Variants in ANK2 observed in about 807,000 individuals in gnomAD.
ANK2 encodes the protein ankyrin 2.
ANK2 carries 83 observed loss-of-function variants against 360.5 expected under a neutral mutation model. That is an observed-to-expected ratio of 0.23 (90% CI 0.19 to 0.28). ANK2 has a LOEUF of 0.28. ANK2 is among the 10% of genes least tolerant of loss of function. The pLI is 1.00. For synonymous variants in ANK2, 1,740 were observed against 1,759.5 expected, an observed-to-expected ratio of 0.99 and a Z score of 0.28; for missense variants, 4,201 against 4,795.7, an observed-to-expected ratio of 0.88 and a Z score of 3.66.
chr4:113,163,716 A>C (rs2097638609), intron 1 of ANK2, among the ~76,000 whole-genome samples: 1 of 132,626 alleles, frequency 7.5e-6, no homozygotes, highest in Non-Finnish European at 1.6e-5. Context: ...GGGAGCTGAG[A>C]TTGTGCTATT....
At chr4:112,846,435 A>C (rs1260702293) in intron 1 of ANK2, among the ~76,000 whole-genome samples, 1 of 152,184 alleles carries the variant, frequency 6.6e-6, no homozygotes, top group Non-Finnish European at 1.5e-5. Context: ...TTAATAGGCC[A>C]TTCGTCCACC....
At chr4:113,079,724 G>A (rs1271202739) in intron 1 of ANK2, among the ~76,000 whole-genome samples, 3 of 55,822 alleles carry the variant, frequency 5.4e-5, no homozygotes, top group African/African-American at 2.1e-4. Flanking sequence ...TCTTGTTGGA[G>A]GAAATTAAAC....
chr4:112,775,861 G>T, the ANK2 span, among the ~76,000 whole-genome samples: 2 of 152,184 alleles, frequency 1.3e-5, no homozygotes, highest in African/African-American at 4.8e-5. Context: ...CTGCATGAAG[G>T]CTGTGGTTTT....
the ANK2 span, among the ~76,000 whole-genome samples, chr4:112,783,346 C>T: frequency 6.6e-6 from 1 of 152,160 alleles, no homozygotes; most frequent in Non-Finnish European, 1.5e-5. Flanking sequence ...TGGGCTGGAA[C>T]ATGAGATTGG....
At chr4:113,162,312 A>G (rs1052536639) in intron 1 of ANK2, among the ~76,000 whole-genome samples, 1 of 152,108 alleles carries the variant, frequency 6.6e-6, no homozygotes, top group Non-Finnish European at 1.5e-5. Context: ...TAAAATGGAC[A>G]TTCTGATCTT....
chr4:112,942,453 T>G (rs754632837), intron 2 of ANK2, among the ~76,000 whole-genome samples: 1 of 152,100 alleles, frequency 6.6e-6, no homozygotes, highest in African/African-American at 2.4e-5. Context: ...TTAAATGATA[T>G]TATGCCCATT....
upstream of ANK2, among the ~76,000 whole-genome samples, chr4:112,814,433 G>A (rs889154815): frequency 1.2e-5 from 1 of 80,356 alleles, no homozygotes; most frequent in African/African-American, 3.4e-5. Context: ...GCGTTTTTTT[G>A]TTTTTTTGTT....
chr4:112,949,836 A>G (rs2094812960), intron 2 of ANK2, among the ~76,000 whole-genome samples: 1 of 152,222 alleles, frequency 6.6e-6, no homozygotes, highest in Non-Finnish European at 1.5e-5. Flanking sequence ...TGGCATGCAC[A>G]CAACACAAAA....
At chr4:112,833,230 T>A (rs2060193431) in intron 1 of ANK2, among the ~76,000 whole-genome samples, 1 of 152,140 alleles carries the variant, frequency 6.6e-6, no homozygotes. Context: ...CATGAGGTAG[T>A]GGGTAAGGGG....
chr4:112,723,419 A>G, the ANK2 span, among the ~76,000 whole-genome samples: 30 of 152,172 alleles, frequency 2.0e-4, no homozygotes, highest in Non-Finnish European at 4.3e-4. Flanking sequence ...GCTGGAGTGC[A>G]GTGGCGCGAT....
chr4:112,818,028 C>G (rs1391580807), upstream of ANK2: 2 of 152,362 alleles, frequency 1.3e-5, no homozygotes, highest in African/African-American at 2.4e-5. Context: ...TGGGCTGTCA[C>G]GTCTGGCTGA....
intron 2 of ANK2, among the ~76,000 whole-genome samples, chr4:112,923,331 T>G (rs986521802): frequency 6.6e-6 from 1 of 152,186 alleles, no homozygotes; most frequent in Non-Finnish European, 1.5e-5. Flanking sequence ...TTTGCCCTAG[T>G]AGAGTGCTGT....
chr4:113,160,934 G>A (rs1292622548), intron 1 of ANK2, among the ~76,000 whole-genome samples: 1 of 152,144 alleles, frequency 6.6e-6, no homozygotes, highest in Non-Finnish European at 1.5e-5. Flanking sequence ...CTTGCCTCTG[G>A]GAAATAGACT....
intron 1 of ANK2, among the ~76,000 whole-genome samples, chr4:113,062,926 A>G (rs1366820909): frequency 6.6e-6 from 1 of 152,106 alleles, no homozygotes; most frequent in African/African-American, 2.4e-5. Flanking sequence ...TGGGCCTATC[A>G]TGATGACAAG....
In ANK2 at chr4:113,152,071, AAAAAAAAG is replaced by A. The variant is rs1452324621; in HGVS notation, c.85-22337_85-22330del. 2.6e-4 allele frequency among the ~76,000 whole-genome samples: 12 copies of A among 45,736 alleles called. 1 individual carries two copies. The allele number at this position is 45,736 out of a possible 152,430, so 30.0% of individuals were successfully genotyped here. A position where few individuals can be genotyped will look rare whatever the true frequency, so the allele number is the denominator to read the frequency against. ...ACAGAGCAAGTCTCTGTCTCAAAAAAAAAAAAAGAAAAAAAAAAAAAAAGAAAAAAGAA... is the reference window on the plus strand; with the variant it reads ...ACAGAGCAAGTCTCTGTCTCAAAAAAAAAAAAAAAAAAAAAGAAAAAAGAA... On this transcript the variant is annotated intron_variant, in intron 1 of 45. Coordinates refer to ENST00000357077, the MANE Select transcript of ANK2 (RefSeq NM_001148.6).
chr4:112,788,328 T>C, the ANK2 span: 6 of 1,555,756 alleles, frequency 3.9e-6, no homozygotes, highest in Non-Finnish European at 5.3e-6. Context: ...CTTGCCTTCC[T>C]CTTGATAATG....
At chr4:113,076,957 G>C (rs1283731127) in intron 1 of ANK2, among the ~76,000 whole-genome samples, 1 of 151,670 alleles carries the variant, frequency 6.6e-6, no homozygotes, top group African/African-American at 2.4e-5. Context: ...GGTTGGTGCT[G>C]GATGTTTTCT....
chr4:113,267,751 A>G (rs2056809200), intron 14 of ANK2, among the ~76,000 whole-genome samples: 1 of 152,192 alleles, frequency 6.6e-6, no homozygotes, highest in South Asian at 2.1e-4. Flanking sequence ...TTGGTTCCAT[A>G]TGAAGTTTAA....
chr4:112,780,691 A>G, the ANK2 span, among the ~76,000 whole-genome samples: 7 of 152,256 alleles, frequency 4.6e-5, no homozygotes, highest in Non-Finnish European at 8.8e-5. Flanking sequence ...CAGGAAACTT[A>G]CAATCATGGC....
Sources: allele counts gnomAD v4.1 joint callset (sites outside exome capture counted in the v4.1 genomes callset), GRCh38; gene constraint gnomAD v4.1.1; transcripts MANE v1.5; gene names NCBI Gene and HGNC (gene_info 2026-07-23, HGNC 2026-07-21).